PPP2R2C: variants seen among roughly 807,000 people sequenced by gnomAD.
PPP2R2C encodes the protein protein phosphatase 2 regulatory subunit Bgamma, also known as protein phosphatase 2, regulatory subunit B, gamma.
A neutral mutation model predicts 45.3 loss-of-function variants in PPP2R2C; 10 were observed. That is an observed-to-expected ratio of 0.22 (90% CI 0.14 to 0.37). The LOEUF is 0.37. Among genes scored for constraint, PPP2R2C ranks in the 10% least tolerant of loss-of-function variants. PPP2R2C has a pLI of 1.00. For synonymous variants in PPP2R2C, 257 were observed against 245.4 expected, an observed-to-expected ratio of 1.05 and a Z score of -0.44; for missense variants, 308 against 619.7, an observed-to-expected ratio of 0.50 and a Z score of 5.34.
At chr4:6,507,721 T>G (rs1331066028) in intron 2 of PPP2R2C, among the ~76,000 whole-genome samples, 1 of 152,220 alleles carries the variant, frequency 6.6e-6, no homozygotes, top group Non-Finnish European at 1.5e-5. Context: ...CCACTGAATT[T>G]TGGGGTGGTT....
intron 1 of PPP2R2C, among the ~76,000 whole-genome samples, chr4:6,427,286 G>C (rs1347939443): frequency 6.6e-6 from 1 of 152,322 alleles, no homozygotes; most frequent in African/African-American, 2.4e-5. Flanking sequence ...ACAGTTTAAC[G>C]TTCAGCATCT....
At chr4:6,338,897 C>G (rs1193977643) in intron 6 of PPP2R2C, among the ~76,000 whole-genome samples, 1 of 152,164 alleles carries the variant, frequency 6.6e-6, no homozygotes, top group Non-Finnish European at 1.5e-5. Context: ...CCTCTCTGAG[C>G]CCAGCTTCCC....
rs60759935 is a variant in PPP2R2C, at chr4:6,456,876, G to A, written c.70+15284C>T. ...ACCACTCTGACCACTTGGAATGAGTGCAGGCAGTCCTTGCTGTACGGGTGG... is the reference window on the plus strand; with the variant it reads ...ACCACTCTGACCACTTGGAATGAGTACAGGCAGTCCTTGCTGTACGGGTGG... On this transcript the variant is annotated intron_variant, in intron 1 of 8. Coordinates refer to ENST00000382599, the MANE Select transcript of PPP2R2C (RefSeq NM_020416.4). Among the ~76,000 whole-genome samples the A allele has an allele frequency of 3.4e-3, 516 of 152,358 alleles. 6 individuals carry two copies. The highest frequency in any genetic ancestry group is 0.017 in the Middle Eastern group (5 of 294).
chr4:6,446,114 T>C (rs777718348), intron 1 of PPP2R2C, among the ~76,000 whole-genome samples: 25 of 152,086 alleles, frequency 1.6e-4, no homozygotes, highest in Non-Finnish European at 2.9e-4. Flanking sequence ...CCAGTAACAG[T>C]GGCACTTATC....
chr4:6,363,435 C>T lies in PPP2R2C; in HGVS notation c.625+9088G>A, dbSNP rs370488383. 1.1e-4 allele frequency among the ~76,000 whole-genome samples: 17 copies of T among 152,068 alleles called. No individual in the cohort carries two copies. The South Asian group carries it at 1.7e-3, about 15-fold the overall frequency. On this transcript the variant is annotated intron_variant, in intron 5 of 8. Transcript: ENST00000382599. ...CTACTAAAAAATACAAAAAATTAGC[C>T]GGGCGTGGTGGCGGGCACCTGTAGC...
intron 1 of PPP2R2C, among the ~76,000 whole-genome samples, chr4:6,554,510 C>A (rs943646926): frequency 2.0e-5 from 3 of 152,166 alleles, no homozygotes; most frequent in African/African-American, 4.8e-5. Flanking sequence ...CAGCCTCAGT[C>A]TGTAGACGGC....
intron 1 of PPP2R2C, among the ~76,000 whole-genome samples, chr4:6,542,002 A>T (rs917644419): frequency 6.6e-6 from 1 of 152,256 alleles, no homozygotes; most frequent in African/African-American, 2.4e-5. Flanking sequence ...ACTTTAAGGG[A>T]TTCATGACAA....
chr4:6,382,321 C>G, intron 1 of PPP2R2C: 1 of 1,290,068 alleles, frequency 7.8e-7, no homozygotes, highest in Non-Finnish European at 1.0e-6. Context: ...TCTGTGATAC[C>G]ACCTTTAGCA....
At chr4:6,533,153 A>C (rs1489165467) in intron 2 of PPP2R2C, among the ~76,000 whole-genome samples, 3 of 152,200 alleles carry the variant, frequency 2.0e-5, no homozygotes, top group Non-Finnish European at 2.9e-5. Flanking sequence ...CTATTGAAGA[A>C]TTCACAATCA....
intron 1 of PPP2R2C, among the ~76,000 whole-genome samples, chr4:6,467,246 C>T (rs1053472384): frequency 2.0e-5 from 3 of 152,192 alleles, no homozygotes; most frequent in African/African-American, 7.2e-5. Context: ...TGTGCCACCA[C>T]TAATGTCCCC....
At chr4:6,358,750 A>G (rs1713462988) in intron 5 of PPP2R2C, among the ~76,000 whole-genome samples, 1 of 152,256 alleles carries the variant, frequency 6.6e-6, no homozygotes, top group Non-Finnish European at 1.5e-5. Context: ...AAAAGATGCT[A>G]TCATCACTGG....
chr4:6,439,423 A>T (rs569741307), intron 1 of PPP2R2C, among the ~76,000 whole-genome samples: 107 of 152,302 alleles, frequency 7.0e-4, no homozygotes, highest in Non-Finnish European at 1.2e-3. Context: ...TAAAAGGAAA[A>T]CTAGAAATCT....
intron 1 of PPP2R2C, among the ~76,000 whole-genome samples, chr4:6,436,164 C>T (rs1719882988): frequency 6.6e-6 from 1 of 152,242 alleles, no homozygotes; most frequent in Admixed American, 6.5e-5. Context: ...GGGTATCAGA[C>T]TTCCCAGCCT....
At chr4:6,406,501 G>A (rs752454535) in intron 1 of PPP2R2C, among the ~76,000 whole-genome samples, 15 of 152,318 alleles carry the variant, frequency 9.8e-5, no homozygotes, top group African/African-American at 2.6e-4. Context: ...AGCCCAATGC[G>A]GGTAGATCGC....
intron 1 of PPP2R2C, among the ~76,000 whole-genome samples, chr4:6,410,035 T>C (rs1451218086): frequency 1.3e-5 from 2 of 152,190 alleles, no homozygotes; most frequent in African/African-American, 4.8e-5. Flanking sequence ...CAGAGGCCTT[T>C]ACTTAAGCAG....
chr4:6,437,240 G>A (rs574622164), intron 1 of PPP2R2C, among the ~76,000 whole-genome samples: 1 of 152,320 alleles, frequency 6.6e-6, no homozygotes, highest in Admixed American at 6.5e-5. Flanking sequence ...AACCACCGAA[G>A]CAAAGGACAA....
At chr4:6,432,145 C>T (rs116688892) in intron 1 of PPP2R2C, among the ~76,000 whole-genome samples, 387 of 152,272 alleles carry the variant, frequency 2.5e-3, no homozygotes, top group African/African-American at 7.8e-3. Flanking sequence ...CTTTGATGAG[C>T]GCCTCTCTGG....
chr4:6,405,677 G>C (rs1288738599), intron 1 of PPP2R2C, among the ~76,000 whole-genome samples: 1 of 152,136 alleles, frequency 6.6e-6, no homozygotes, highest in African/African-American at 2.4e-5. Flanking sequence ...GGGAGGGTCA[G>C]GGTCTGGGAA....
chr4:6,348,782 G>A (rs1712248952), intron 5 of PPP2R2C: 1 of 835,430 alleles, frequency 1.2e-6, no homozygotes, highest in Non-Finnish European at 1.4e-6. Flanking sequence ...AGAGTGCAGA[G>A]AAAGATCTGG....
Sources: gnomAD v4.1 joint callset for allele counts (sites outside exome capture counted in the v4.1 genomes callset) on GRCh38, gnomAD v4.1.1 for gene constraint, MANE v1.5 for transcripts, NCBI Gene and HGNC (gene_info 2026-07-23, HGNC 2026-07-21) for gene names.